The following DYNC1I1 variants were observed in gnomAD, a reference collection of about 807,000 sequenced individuals.
DYNC1I1 encodes the protein cytoplasmic dynein 1 intermediate chain 1.
A neutral mutation model predicts 86.6 loss-of-function variants in DYNC1I1; 43 were observed. That is an observed-to-expected ratio of 0.50 (90% CI 0.39 to 0.64). DYNC1I1 has a LOEUF of 0.64. Among genes scored for constraint, DYNC1I1 ranks in the 30% least tolerant of loss-of-function variants. The pLI is 0.00. For synonymous variants in DYNC1I1, 262 were observed against 283.7 expected, an observed-to-expected ratio of 0.92 and a Z score of 0.77; for missense variants, 604 against 788.8, an observed-to-expected ratio of 0.77 and a Z score of 2.81.
chr7:95,858,224 T>C (rs1789777011), intron 5 of DYNC1I1, among the ~76,000 whole-genome samples: 1 of 152,210 alleles, frequency 6.6e-6, no homozygotes, highest in South Asian at 2.1e-4. Flanking sequence ...TACTTTTAAC[T>C]TTATTTCCAG....
At chr7:96,005,457 C>T (rs536823180) in intron 10 of DYNC1I1, among the ~76,000 whole-genome samples, 14 of 152,148 alleles carry the variant, frequency 9.2e-5, no homozygotes, top group African/African-American at 2.9e-4. Flanking sequence ...TTGTGAACAG[C>T]GATGTTGCAT....
intron 14 of DYNC1I1, among the ~76,000 whole-genome samples, chr7:96,071,389 A>G (rs73232555): frequency 6.6e-6 from 1 of 152,152 alleles, no homozygotes; most frequent in African/African-American, 2.4e-5. Context: ...GCAGCTTTCC[A>G]TCGTAAGATG....
chr7:96,049,090 T>A (rs1789308626), intron 14 of DYNC1I1, among the ~76,000 whole-genome samples: 1 of 151,790 alleles, frequency 6.6e-6, no homozygotes, highest in Admixed American at 6.6e-5. Flanking sequence ...AAACCCCGTC[T>A]CTACTAAAAA....
rs755064520 is a variant in DYNC1I1, at chr7:96,080,444, G to C, written c.1732G>C (p.Val578Leu). 1.2e-6 allele frequency: 2 copies of C among 1,614,200 alleles called. No homozygotes were observed. The highest frequency in any genetic ancestry group is 1.1e-5 in the South Asian group (1 of 91,082). ...RWAQAGKEVA[V>L]GDSEGRIWVY... ...GGCCCAAGCTGGCAAAGAAGTTGCT[G>C]TTGGGGACTCGGAAGGCCGTATTTG... is the stretch of plus-strand genomic sequence containing the variant. Residue 578 changes from valine (V) to leucine (L), a missense_variant, in exon 16 of 17, where the codon GTT (valine) becomes CTT (leucine). Physicochemically the swap from Val to Leu is conservative, Grantham distance 32. Transcript: ENST00000447467.
At chr7:95,871,971 G>A (rs1293234164) in intron 6 of DYNC1I1, among the ~76,000 whole-genome samples, 1 of 152,204 alleles carries the variant, frequency 6.6e-6, no homozygotes, top group Admixed American at 6.5e-5. Flanking sequence ...GATGGATTTG[G>A]ACAGAAAAAC....
chr7:95,827,877 A>G (rs549953673), intron 4 of DYNC1I1, among the ~76,000 whole-genome samples, 180 bp from the exon 5 acceptor site: 1 of 152,226 alleles, frequency 6.6e-6, no homozygotes, highest in South Asian at 2.1e-4. Flanking sequence ...GCAGGAAAGG[A>G]TGGCTCCTCG....
intron 9 of DYNC1I1, among the ~76,000 whole-genome samples, chr7:95,990,108 A>C (rs1793694864): frequency 6.6e-6 from 1 of 152,194 alleles, no homozygotes; most frequent in Admixed American, 6.5e-5. Flanking sequence ...CTTAAACCAG[A>C]ACACTTTAAC....
chr7:95,964,166 A>G (rs1358937746), intron 6 of DYNC1I1, among the ~76,000 whole-genome samples: 2 of 152,174 alleles, frequency 1.3e-5, no homozygotes, highest in Non-Finnish European at 2.9e-5. Flanking sequence ...TCCCAGATGG[A>G]AAATATATCA....
At chr7:96,012,909 A>T (rs904953366) in intron 10 of DYNC1I1, among the ~76,000 whole-genome samples, 1 of 151,938 alleles carries the variant, frequency 6.6e-6, no homozygotes, top group African/African-American at 2.4e-5. Context: ...AATTTTTTCC[A>T]TAGGTTATTA....
At chr7:96,095,442 T>TTAAC (rs1286920410) in intron 16 of DYNC1I1, among the ~76,000 whole-genome samples, 1 of 152,186 alleles carries the variant, frequency 6.6e-6, no homozygotes, top group Admixed American at 6.5e-5. Flanking sequence ...TTGTACGATT[T>TTAAC]TAACTAATAA....
chr7:96,034,984 A>G (rs978944206), intron 12 of DYNC1I1, among the ~76,000 whole-genome samples: 1 of 152,228 alleles, frequency 6.6e-6, no homozygotes, highest in African/African-American at 2.4e-5. Flanking sequence ...ATCTTTTAAG[A>G]TTAGGAATCT....
At chr7:95,967,497 A>C (rs927681544) in intron 6 of DYNC1I1, among the ~76,000 whole-genome samples, 3 of 152,156 alleles carry the variant, frequency 2.0e-5, no homozygotes, top group African/African-American at 7.2e-5. Flanking sequence ...ACAGGGGTCC[A>C]TAAGACCTGA....
At chr7:95,941,896 G>A (rs1035645901) in intron 6 of DYNC1I1, among the ~76,000 whole-genome samples, 15 of 152,250 alleles carry the variant, frequency 9.9e-5, no homozygotes, top group East Asian at 3.9e-4. Flanking sequence ...CTTCTGTGTC[G>A]CTCATGCTGG....
At chr7:95,929,183 C>T (rs892613734) in intron 6 of DYNC1I1, among the ~76,000 whole-genome samples, 4 of 152,262 alleles carry the variant, frequency 2.6e-5, no homozygotes, top group South Asian at 2.1e-4. Context: ...CTGCAATGCC[C>T]TAACCTCCCA....
chr7:95,915,031 C>T (rs17167238), intron 6 of DYNC1I1, among the ~76,000 whole-genome samples: 2,820 of 152,204 alleles, frequency 0.019, 83 homozygotes, highest in African/African-American at 0.057. Flanking sequence ...CATTGCTTGA[C>T]CCTGAAATGA....
At chr7:96,015,429 T>C (rs1223854143) in intron 10 of DYNC1I1, among the ~76,000 whole-genome samples, 1 of 152,142 alleles carries the variant, frequency 6.6e-6, no homozygotes, top group Non-Finnish European at 1.5e-5. Context: ...AAATGCCCCT[T>C]AATGTGTACA....
At chr7:95,863,932 TATC>T (rs1789954719) in intron 5 of DYNC1I1, among the ~76,000 whole-genome samples, 1 of 152,220 alleles carries the variant, frequency 6.6e-6, no homozygotes, top group Non-Finnish European at 1.5e-5. Context: ...CATCCCAAAA[TATC>T]ATTCACGTTT....
Position 95,984,808 on chromosome 7 carries a change from A to G in DYNC1I1, c.581-7A>G, listed in dbSNP as rs763755704. On this transcript the variant is annotated splice_region_variant and splice_polypyrimidine_tract_variant and intron_variant, in intron 7 of 16. Coordinates refer to ENST00000447467, the MANE Select transcript of DYNC1I1 (RefSeq NM_001135556.2). ...AATCTCTTTTACAAAAAAATAAATA[A>G]ATAAAGCCCCTCCAAGAGAGTTGAC... 1 of 1,571,540 alleles carries G rather than the reference A, an allele frequency of 6.4e-7. No homozygotes were observed. Among genetic ancestry groups the G allele is most frequent in the Non-Finnish European group, 8.6e-7 (1 of 1,166,236 alleles).
intron 1 of DYNC1I1, among the ~76,000 whole-genome samples, chr7:95,775,704 C>T (rs1305603215): frequency 1.3e-5 from 2 of 152,176 alleles, no homozygotes; most frequent in African/African-American, 4.8e-5. Context: ...ATGAAAGTAG[C>T]TGTTATACTT....
Sources: allele counts gnomAD v4.1 joint callset (sites outside exome capture counted in the v4.1 genomes callset), GRCh38; gene constraint gnomAD v4.1.1; transcripts MANE v1.5; gene names NCBI Gene and HGNC (gene_info 2026-07-23, HGNC 2026-07-21).